The following CACNA1E variants were observed in gnomAD, a reference collection of about 807,000 sequenced individuals.
CACNA1E encodes the protein voltage-dependent R-type calcium channel subunit alpha-1E.
CACNA1E carries 40 observed loss-of-function variants against 259.2 expected under a neutral mutation model. The observed-to-expected ratio is 0.15, with a 90% CI of 0.12 to 0.20. The LOEUF (loss-of-function observed/expected upper bound fraction) is 0.20. Ranked by LOEUF, CACNA1E falls within the 10% of genes least tolerant of loss-of-function variation. CACNA1E has a pLI of 1.00. For synonymous variants in CACNA1E, 1,104 were observed against 1,138.5 expected (o/e 0.97, Z 0.61); for missense variants, 1,874 against 3,040.1 (o/e 0.62, Z 9.02).
chr1:181,701,720 T>G (rs1652278762), intron 7 of CACNA1E, among the ~76,000 whole-genome samples: 1 of 152,318 alleles, frequency 6.6e-6, no homozygotes, highest in African/African-American at 2.4e-5. Flanking sequence ...TAAAAGGTTT[T>G]AAGGACCACC....
chr1:181,750,740 C>T (rs577301545), intron 26 of CACNA1E, among the ~76,000 whole-genome samples: 3 of 152,274 alleles, frequency 2.0e-5, no homozygotes, highest in South Asian at 4.2e-4. Flanking sequence ...GCAGTGAAAT[C>T]GTTTGTAAAA....
In CACNA1E at chr1:181,737,514, A is replaced by C; in HGVS notation, c.3423-11A>C. On this transcript the variant is annotated splice_polypyrimidine_tract_variant and intron_variant, in intron 22 of 47. Coordinates refer to ENST00000367573, the MANE Select transcript of CACNA1E (RefSeq NM_001205293.3). ...GGAGTGGGCCAGCTCAGCCATGCCCACTGCCCGCAGGATCCGGAGGGCCTG... is the reference window on the plus strand; with the variant it reads ...GGAGTGGGCCAGCTCAGCCATGCCCCCTGCCCGCAGGATCCGGAGGGCCTG... 1 of 1,613,578 alleles carries C rather than the reference A, an allele frequency of 6.2e-7. No individual in the cohort carries two copies. Among genetic ancestry groups the C allele is most frequent in the Non-Finnish European group, 8.5e-7 (1 of 1,179,684 alleles).
chr1:181,721,979 G>A (rs1214210409), intron 16 of CACNA1E, 104 bp downstream of exon 16: 1 of 753,056 alleles, frequency 1.3e-6, no homozygotes, highest in Non-Finnish European at 2.4e-6. Context: ...GGTGGGACAG[G>A]GGCGTGGACA....
chr1:181,386,531 G>A (rs1315054563), intron 1 of CACNA1E, among the ~76,000 whole-genome samples: 1 of 152,200 alleles, frequency 6.6e-6, no homozygotes, highest in African/African-American at 2.4e-5. Flanking sequence ...CAGGATCAGA[G>A]CCATCCAATA....
rs1553270275 is a variant in CACNA1E, at chr1:181,528,147, T to TTGG, written c.512+16637_512+16638insTGG. On this transcript the variant is annotated intron_variant, in intron 3 of 47. Transcript: ENST00000367573. ...CACATGTTGTGGGAGGGGCCCGGGG[T>TTGG]GGGGGGGGCAGTAATTGAATCATGG... 6.6e-5 allele frequency among the ~76,000 whole-genome samples: 9 copies of TTGG among 136,492 alleles called. No homozygotes were observed. The East Asian group carries it at 1.7e-3, about 25-fold the overall frequency. 89.5% of individuals were successfully genotyped at this position (136,492 alleles called of 152,430 possible).
chr1:181,582,506 A>G (rs1471327934), intron 6 of CACNA1E, among the ~76,000 whole-genome samples: 1 of 152,164 alleles, frequency 6.6e-6, no homozygotes, highest in Non-Finnish European at 1.5e-5. Flanking sequence ...AAGTGATGTG[A>G]TAAATGCATT....
At chr1:181,703,299 A>C (rs944184588) in intron 7 of CACNA1E, among the ~76,000 whole-genome samples, 1 of 152,224 alleles carries the variant, frequency 6.6e-6, no homozygotes, top group Non-Finnish European at 1.5e-5. Flanking sequence ...TCTATCATTT[A>C]ATCCTCACAA....
intron 3 of CACNA1E, among the ~76,000 whole-genome samples, chr1:181,544,400 T>A (rs1222792310): frequency 6.7e-6 from 1 of 148,594 alleles, no homozygotes; most frequent in Non-Finnish European, 1.5e-5. Flanking sequence ...CTGAATATAC[T>A]AAAAAAAAAA....
chr1:181,534,321 T>C (rs1229402647), intron 3 of CACNA1E, among the ~76,000 whole-genome samples: 5 of 152,130 alleles, frequency 3.3e-5, no homozygotes, highest in Non-Finnish European at 7.4e-5. Context: ...GTGGGTGCTA[T>C]TGAAAACTGA....
intron 3 of CACNA1E, among the ~76,000 whole-genome samples, chr1:181,516,133 A>G (rs1666564593): frequency 1.3e-5 from 2 of 151,892 alleles, no homozygotes; most frequent in African/African-American, 4.8e-5. Context: ...ACCTGTGGTT[A>G]TTTACCAGGT....
rs767412930 is a variant in CACNA1E at position 181,784,758 on chromosome 1, C to T, written c.5568C>T (p.Pro1856=). The part of the protein sequence containing the change: ...LSQKMLDLLV[P]MPKASDLTVG... ...AGAAGATGCTGGATCTGCTTGTGCC[C>T]ATGCCCAAAGGTTTGGGTCTTCTCC... Residue 1856 remains proline (P), a synonymous_variant, in exon 41 of 48, where the codon CCC becomes CCT. Transcript: ENST00000367573. The T allele has an allele frequency of 3.6e-5, 57 of 1,568,678 alleles. No individual in the cohort carries two copies. The highest frequency in any genetic ancestry group is 4.9e-5 in the Non-Finnish European group (57 of 1,155,372).
chr1:181,414,668 C>G (rs1004471211), intron 2 of CACNA1E, among the ~76,000 whole-genome samples: 1 of 152,164 alleles, frequency 6.6e-6, no homozygotes, highest in African/African-American at 2.4e-5. Flanking sequence ...TTACATATAT[C>G]CACTCATGTT....
At chr1:181,509,865 C>G (rs529534829) in intron 1 of CACNA1E, among the ~76,000 whole-genome samples, 1 of 152,340 alleles carries the variant, frequency 6.6e-6, no homozygotes, top group Non-Finnish European at 1.5e-5. Context: ...AAGCAAGCCT[C>G]TCCTTCCCCC....
chr1:181,614,399 A>G (rs1655025554), intron 6 of CACNA1E, among the ~76,000 whole-genome samples: 1 of 152,224 alleles, frequency 6.6e-6, no homozygotes, highest in Non-Finnish European at 1.5e-5. Context: ...TATGGGCCCC[A>G]TGATGTTATT....
chr1:181,755,564 TG>T (rs1172534436), intron 28 of CACNA1E, among the ~76,000 whole-genome samples, 167 bp downstream of exon 28: 2 of 152,362 alleles, frequency 1.3e-5, no homozygotes, highest in East Asian at 3.9e-4. Flanking sequence ...GTGCCTCTTT[TG>T]TGTCAGACAC....
intron 6 of CACNA1E, among the ~76,000 whole-genome samples, chr1:181,610,851 C>A: frequency 6.6e-6 from 1 of 152,146 alleles, no homozygotes; most frequent in East Asian, 1.9e-4. Flanking sequence ...TTTTATTGGA[C>A]TTTTACTATT....
intron 6 of CACNA1E, among the ~76,000 whole-genome samples, chr1:181,627,221 T>G (rs1656280344): frequency 6.6e-6 from 1 of 152,214 alleles, no homozygotes; most frequent in African/African-American, 2.4e-5. Flanking sequence ...ATTTACCACT[T>G]ACAATGTTAC....
In CACNA1E at chr1:181,732,898, C is replaced by G; in HGVS notation, c.2812C>G (p.Arg938Gly). 6.2e-7 allele frequency: 1 copy of G among 1,614,000 alleles called. No homozygotes were observed. Among genetic ancestry groups the G allele is most frequent in the Non-Finnish European group, 8.5e-7 (1 of 1,179,884 alleles). ...AGGCAAGGAGTCCTCTTCAGCCTCCCGGAGCAGGTCTGCCAGCCAGGAACG... is the reference window on the plus strand; with the variant it reads ...AGGCAAGGAGTCCTCTTCAGCCTCCGGGAGCAGGTCTGCCAGCCAGGAACG... ...TEGKESSSAS[R>G]SRSASQERSL... is the part of the protein sequence containing the mutation. Residue 938 changes from arginine (R) to glycine (G), a missense_variant, in exon 20 of 48, where the codon CGG becomes GGG. By Grantham distance (125) the Arg-to-Gly change is moderately radical. This residue lies in a region of CACNA1E where 476 missense variants were observed against 514.0 expected (regional missense o/e 0.93). Transcript: ENST00000367573. This position sits in a 1 kb window ranked among gnomAD's most constrained non-coding sequence, Gnocchi z 5.5.
At chr1:181,503,328 C>A (rs1483468846) in intron 1 of CACNA1E, among the ~76,000 whole-genome samples, 2 of 152,222 alleles carry the variant, frequency 1.3e-5, no homozygotes, top group African/African-American at 4.8e-5. Flanking sequence ...GATGGTTCAA[C>A]CCCTCCTGTT....
Sources: allele counts gnomAD v4.1 joint callset (sites outside exome capture counted in the v4.1 genomes callset), GRCh38; gene constraint gnomAD v4.1.1; regional missense constraint gnomAD v4.1.1; non-coding constraint Gnocchi (gnomAD v3.1); transcripts MANE v1.5; gene names NCBI Gene and HGNC (gene_info 2026-07-23, HGNC 2026-07-21).